The following FAT1 variants were observed in gnomAD, a reference collection of about 807,000 sequenced individuals.
FAT1 encodes protocadherin Fat 1.
In FAT1, 171 loss-of-function variants were observed where a neutral mutation model predicts 329.8. That is an observed-to-expected ratio of 0.52 (90% confidence interval 0.46 to 0.59). The LOEUF is 0.59. FAT1 is among the 20% of genes least tolerant of loss of function. FAT1 has a pLI of 0.00. For missense variants in FAT1, 5,672 were observed against 5,774.4 expected (o/e 0.98, Z 0.57); for synonymous variants, 2,233 against 2,228.6 (o/e 1.00, Z -0.06).
intron 26 of FAT1, 58 bp downstream of exon 26, chr4:186,595,631 T>C (rs1279573919): frequency 5.0e-6 from 8 of 1,596,560 alleles, no homozygotes; most frequent in Admixed American, 1.7e-5. Context: ...CATTGTGAGA[T>C]AACACAGTAA....
chr4:186,688,863 C>T (rs1377253957), intron 2 of FAT1, among the ~76,000 whole-genome samples: 1 of 152,108 alleles, frequency 6.6e-6, no homozygotes, highest in Admixed American at 6.5e-5. Context: ...TTCGTTTAAA[C>T]CCAAGGACAC....
chr4:186,625,759 G>A (rs1038873329), intron 9 of FAT1, among the ~76,000 whole-genome samples: 1 of 152,248 alleles, frequency 6.6e-6, no homozygotes, highest in African/African-American at 2.4e-5. Flanking sequence ...GCATGAGCAG[G>A]AACATCCTAA....
At chr4:186,609,157 A>C in intron 16 of FAT1, 26 bp downstream of exon 16, 1 of 1,607,702 alleles carries the variant, frequency 6.2e-7, no homozygotes, top group Non-Finnish European at 8.5e-7. Flanking sequence ...ATTTGTAAAC[A>C]ACGTAAATCA....
chr4:186,643,042 T>C (rs1244138681), intron 3 of FAT1, among the ~76,000 whole-genome samples: 3 of 152,212 alleles, frequency 2.0e-5, no homozygotes, highest in Non-Finnish European at 4.4e-5. Flanking sequence ...GACGAAGATG[T>C]AGACTTCCAC....
intron 4 of FAT1, 135 bp from the exon 5 acceptor site, chr4:186,637,049 T>G: frequency 1.3e-6 from 1 of 775,772 alleles, no homozygotes. Context: ...ACACAGCAGA[T>G]CTTCATTCCA....
In FAT1 at chr4:186,628,754, T is replaced by G. The variant is rs1180963502; in HGVS notation, c.4333A>C (p.Lys1445Gln). 6.2e-7 allele frequency: 1 copy of G among 1,612,514 alleles called. No individual in the cohort carries two copies. The highest frequency in any genetic ancestry group is 1.1e-5 in the South Asian group (1 of 90,998). The change falls in exon 8 of 27, where the codon AAA (lysine) becomes CAA (glutamine). Residue 1445 changes from lysine (K) to glutamine (Q), a missense_variant. By Grantham distance (53) the Lys-to-Gln change is moderately conservative. This residue lies in a region of FAT1 where 3,966 missense variants were observed against 3,915.2 expected (regional missense o/e 1.01). Coordinates refer to ENST00000441802, the MANE Select transcript of FAT1 (RefSeq NM_005245.4). ...CGATGGTCATTTGTGTCTATTACTT[T>G]GATGAATACCTGTAATGGATGACAA... ...TTTILTQVFI[K>Q]VIDTNDHRPQ...
intron 26 of FAT1, among the ~76,000 whole-genome samples, chr4:186,594,632 G>T (rs1400992258): frequency 7.2e-5 from 10 of 139,306 alleles, no homozygotes; most frequent in African/African-American, 2.7e-4. Context: ...AAATATACCT[G>T]TGTTGATTAG....
chr4:186,621,920 C>A lies in FAT1; in HGVS notation c.4811-145G>T, dbSNP rs901968685. ...AGGGGATGTCAATATTTGAATGGAA[C>A]CTTCAACTTGTTTTATTTTTATCCA... is the stretch of plus-strand genomic sequence containing the variant. On this transcript the variant is annotated intron_variant, in intron 9 of 26. Transcript: ENST00000441802. 1.2e-5 allele frequency: 7 copies of A among 578,676 alleles called. No homozygotes were observed. In the African/African-American group the frequency reaches 1.3e-4, roughly 11 times the overall value. 35.8% of individuals were successfully genotyped at this position (578,676 alleles called of 1,614,324 possible). A position where few individuals can be genotyped will look rare whatever the true frequency, so the allele number is the denominator to read the frequency against.
Position 186,706,586 on chromosome 4 carries a change from A to C in FAT1, c.3242T>G (p.Val1081Gly), listed in dbSNP as rs2126681852. Reference protein sequence around the residue: ...YSIRDGSGVGVFKIGEETGVI... With the variant: ...YSIRDGSGVGGFKIGEETGVI... Reference sequence around the variant, plus strand: ...ACCTGTCTCTTCACCTATTTTGAAAACACCAACGCCAGAGCCATCTCTAAT... The same window carrying C: ...ACCTGTCTCTTCACCTATTTTGAAACCACCAACGCCAGAGCCATCTCTAAT... The change falls in exon 2 of 27, where the codon GTT (valine) becomes GGT (glycine). Residue 1081 changes from valine to glycine, a missense_variant. Val to Gly is a moderately radical substitution (Grantham distance 109). Around this residue, in one of 2 missense-constraint regions of FAT1, gnomAD observed 3,966 missense variants for 3,915.2 expected, o/e 1.01. Transcript: ENST00000441802. 1 of 1,607,338 alleles carries C rather than the reference A, an allele frequency of 6.2e-7. No individual in the cohort carries two copies. Among genetic ancestry groups the C allele is most frequent in the Non-Finnish European group, 8.5e-7 (1 of 1,175,232 alleles).
intron 3 of FAT1, among the ~76,000 whole-genome samples, chr4:186,653,029 T>C (rs1232358505): frequency 6.6e-6 from 1 of 152,100 alleles, no homozygotes; most frequent in African/African-American, 2.4e-5. Flanking sequence ...AAGAAGCGAA[T>C]AAAAAACAGA....
chr4:186,639,852 C>G, intron 3 of FAT1, 69 bp from the exon 4 acceptor site: 1 of 1,334,056 alleles, frequency 7.5e-7, no homozygotes, highest in South Asian at 1.2e-5. Flanking sequence ...CAATTAAAAT[C>G]ACACTCTTGG....
At chr4:186,598,409 G>A (rs1738640432) in intron 22 of FAT1, 1 of 291,008 alleles carries the variant, frequency 3.4e-6, no homozygotes, top group African/African-American at 2.2e-5. Flanking sequence ...CTTTACCTGA[G>A]TGACCATGTA....
intron 2 of FAT1, among the ~76,000 whole-genome samples, chr4:186,686,248 G>A (rs1013934233): frequency 1.2e-5 from 1 of 86,484 alleles, no homozygotes; most frequent in Non-Finnish European, 2.7e-5. Flanking sequence ...ACCCCCCCCC[G>A]ACATTCTGAA....
intron 3 of FAT1, among the ~76,000 whole-genome samples, chr4:186,649,284 T>TA (rs762317571): frequency 6.6e-6 from 1 of 152,076 alleles, no homozygotes; most frequent in Non-Finnish European, 1.5e-5. Flanking sequence ...TTTACAACAT[T>TA]AAAAAAATTA....
Position 186,597,105 on chromosome 4 carries a change from C to T in FAT1, c.12435G>A (p.Thr4145=), listed in dbSNP as rs763597855. 72 of 1,613,908 alleles carry T rather than the reference C, an allele frequency of 4.5e-5. No individual in the cohort carries two copies. Among genetic ancestry groups the T allele is most frequent in the Non-Finnish European group, 5.8e-5 (68 of 1,179,860 alleles). ...PCLHGALCEN[T]HGSYHCNCSH... The stretch of plus-strand genomic sequence containing the variant: ...TGCAGTTGCAGTGATAGGAGCCGTG[C>T]GTGTTCTCACAGAGGGCCCCGTGCA... Residue 4145 remains threonine (T), a synonymous_variant, in exon 25 of 27, where the codon ACG becomes ACA. Transcript: ENST00000441802.
chr4:186,690,941 T>C (rs1347364046), intron 2 of FAT1, among the ~76,000 whole-genome samples: 1 of 152,212 alleles, frequency 6.6e-6, no homozygotes, highest in African/African-American at 2.4e-5. Flanking sequence ...AAATAAAATA[T>C]ATTATTAAAA....
Position 186,620,140 on chromosome 4 carries a change from T to A in FAT1, c.6446A>T (p.Glu2149Val). The change falls in exon 10 of 27, where the codon GAA becomes GTA. Residue 2149 changes from glutamate to valine, a missense_variant. Around this residue, in one of 2 missense-constraint regions of FAT1, gnomAD observed 3,966 missense variants for 3,915.2 expected, o/e 1.01. Coordinates refer to ENST00000441802, the MANE Select transcript of FAT1 (RefSeq NM_005245.4). The part of the protein sequence containing the change: ...KQFELDTLNK[E>V]YLVTVVAKDG... ...TTTTGCAACCACTGTAACAAGATAT[T>A]CTTTATTTAAGGTGTCAAGCTCAAA... 2 of 1,614,020 alleles carry A rather than the reference T, an allele frequency of 1.2e-6. No individual in the cohort carries two copies. Among genetic ancestry groups the A allele is most frequent in the Non-Finnish European group, 1.7e-6 (2 of 1,179,898 alleles).
chr4:186,679,446 G>A (rs761580265), intron 2 of FAT1, among the ~76,000 whole-genome samples: 2 of 150,820 alleles, frequency 1.3e-5, no homozygotes, highest in Non-Finnish European at 3.0e-5. Context: ...AAAAAAAATG[G>A]GGGTTGGGGG....
At chr4:186,610,605 TTA>T (rs1414993678) in intron 14 of FAT1, among the ~76,000 whole-genome samples, 1 of 133,232 alleles carries the variant, frequency 7.5e-6, no homozygotes, top group Non-Finnish European at 1.6e-5. Flanking sequence ...AAATATAAAT[TTA>T]TATAAATTAT....
Sources: allele counts gnomAD v4.1 joint callset (sites outside exome capture counted in the v4.1 genomes callset), GRCh38; gene constraint gnomAD v4.1.1; regional missense constraint gnomAD v4.1.1; transcripts MANE v1.5; gene names NCBI Gene and HGNC (gene_info 2026-07-23, HGNC 2026-07-21).